The following THSD7A variants were observed in gnomAD, a reference collection of about 807,000 sequenced individuals.
THSD7A encodes the protein thrombospondin type-1 domain-containing protein 7A.
THSD7A carries 96 observed loss-of-function variants against 231.3 expected under a neutral mutation model. The observed-to-expected ratio is 0.41, with a 90% CI of 0.35 to 0.49. The LOEUF is 0.49. Ranked by LOEUF, THSD7A falls within the 20% of genes least tolerant of loss-of-function variation. THSD7A has a pLI of 0.05. For synonymous variants in THSD7A, 940 were observed against 743.3 expected (o/e 1.26, Z -4.30); for missense variants, 2,290 against 2,070.2 (o/e 1.11, Z -2.06).
chr7:11,738,452 A>T (rs1299241534), intron 1 of THSD7A, among the ~76,000 whole-genome samples: 1 of 152,070 alleles, frequency 6.6e-6, no homozygotes, highest in African/African-American at 2.4e-5. Flanking sequence ...AAAAGAATAT[A>T]GGTAAGATAG....
At chr7:11,533,303 G>C (rs1174155635) in intron 6 of THSD7A, among the ~76,000 whole-genome samples, 4 of 152,078 alleles carry the variant, frequency 2.6e-5, no homozygotes, top group Non-Finnish European at 5.9e-5. Context: ...GAAAAGGAAA[G>C]ATATTTTAGG....
chr7:11,790,184 G>C (rs1004913418), intron 1 of THSD7A, among the ~76,000 whole-genome samples: 1 of 151,906 alleles, frequency 6.6e-6, no homozygotes, highest in African/African-American at 2.4e-5. Context: ...ATCAAATTAA[G>C]TAGCTCAGCT....
intron 6 of THSD7A, among the ~76,000 whole-genome samples, chr7:11,510,950 C>G (rs535411917): frequency 6.6e-6 from 1 of 151,750 alleles, no homozygotes; most frequent in East Asian, 1.9e-4. Flanking sequence ...CAGGCAGGAG[C>G]AACAAATAAA....
Position 11,400,173 on chromosome 7 carries a change from A to AG in THSD7A, c.4411+1621dup, listed in dbSNP as rs1268021216. Among the ~76,000 whole-genome samples, 14 of 99,990 alleles carry AG rather than the reference A, an allele frequency of 1.4e-4. No homozygotes were observed. The South Asian group carries it at 6.0e-3, about 43-fold the overall frequency. The allele number at this position is 99,990 out of a possible 152,430, so 65.6% of individuals were successfully genotyped here. A position where few individuals can be genotyped will look rare whatever the true frequency, so the allele number is the denominator to read the frequency against. ...CTGCGGCCTGTTATGGGGTCGGGGG[A>AG]GGGGGGAGGGATAGCATTAGAAGAT... is the stretch of plus-strand genomic sequence containing the variant. On this transcript the variant is annotated intron_variant, in intron 23 of 27. Transcript: ENST00000423059.
At chr7:11,711,574 T>A (rs1169965617) in intron 1 of THSD7A, among the ~76,000 whole-genome samples, 1 of 151,060 alleles carries the variant, frequency 6.6e-6, no homozygotes, top group Non-Finnish European at 1.5e-5. Flanking sequence ...TCAGATAAAA[T>A]TGTTATAGGG....
chr7:11,588,778 A>G (rs1181859345), intron 4 of THSD7A, among the ~76,000 whole-genome samples: 2 of 152,242 alleles, frequency 1.3e-5, no homozygotes, highest in Non-Finnish European at 2.9e-5. Flanking sequence ...AAAGACTGCT[A>G]TAATAAATCT....
chr7:11,666,348 A>C lies in THSD7A; in HGVS notation c.191-29387T>G, dbSNP rs190595781. Among the ~76,000 whole-genome samples the C allele has an allele frequency of 5.1e-4, 78 of 152,210 alleles. 1 individual carries two copies. The highest frequency in any genetic ancestry group is 9.6e-4 in the Non-Finnish European group (65 of 68,008). On this transcript the variant is annotated intron_variant, in intron 1 of 27. Coordinates refer to ENST00000423059, the MANE Select transcript of THSD7A (RefSeq NM_015204.3). Reference sequence around the variant, plus strand: ...GGTAATTTTAAACAACATTTTGAATAATTTTGTGCATAAAATTACATTTGT... The same window carrying C: ...GGTAATTTTAAACAACATTTTGAATCATTTTGTGCATAAAATTACATTTGT...
chr7:11,782,486 G>A (rs1783665267), intron 1 of THSD7A, among the ~76,000 whole-genome samples: 1 of 152,124 alleles, frequency 6.6e-6, no homozygotes, highest in African/African-American at 2.4e-5. Context: ...GAAATGAATT[G>A]CAAATTATTT....
At chr7:11,526,416 G>A (rs974349384) in intron 6 of THSD7A, among the ~76,000 whole-genome samples, 9 of 152,084 alleles carry the variant, frequency 5.9e-5, no homozygotes, top group Admixed American at 3.9e-4. Context: ...TATCCACTGT[G>A]CCCCTTGGCA....
intron 1 of THSD7A, among the ~76,000 whole-genome samples, chr7:11,706,737 T>C (rs1780782455): frequency 7.1e-6 from 1 of 140,966 alleles, no homozygotes; most frequent in African/African-American, 2.6e-5. Flanking sequence ...TAATAGAAAA[T>C]AGAGGAAATG....
chr7:11,752,691 G>A lies in THSD7A; in HGVS notation c.190+79066C>T, dbSNP rs111967214. Among the ~76,000 whole-genome samples, 1,476 of 152,100 alleles carry A rather than the reference G, an allele frequency of 9.7e-3. 19 individuals carry two copies. The highest frequency in any genetic ancestry group is 0.033 in the African/African-American group (1,375 of 41,518). On this transcript the variant is annotated intron_variant, in intron 1 of 27. Coordinates refer to ENST00000423059, the MANE Select transcript of THSD7A (RefSeq NM_015204.3). Reference sequence around the variant, plus strand: ...AACACTTTGTGAGGCCAAGGTGGGAGGACTGCTTGAGCCCACAAATTCAAG... The same window carrying A: ...AACACTTTGTGAGGCCAAGGTGGGAAGACTGCTTGAGCCCACAAATTCAAG...
intron 18 of THSD7A, among the ~76,000 whole-genome samples, chr7:11,412,139 C>T (rs182680922): frequency 3.0e-4 from 46 of 152,138 alleles, no homozygotes; most frequent in African/African-American, 1.1e-3. Flanking sequence ...GGGAAAAATG[C>T]AACTTATAAT....
intron 1 of THSD7A, among the ~76,000 whole-genome samples, chr7:11,754,142 A>C (rs1189408204): frequency 2.0e-5 from 3 of 152,094 alleles, no homozygotes; most frequent in African/African-American, 7.2e-5. Flanking sequence ...TACTAGAAAA[A>C]TATTTTAAAT....
chr7:11,737,658 A>G (rs1437620379), intron 1 of THSD7A, among the ~76,000 whole-genome samples: 2 of 152,020 alleles, frequency 1.3e-5, no homozygotes, highest in African/African-American at 2.4e-5. Flanking sequence ...CATATTTGTC[A>G]TATTCTCCAA....
intron 1 of THSD7A, among the ~76,000 whole-genome samples, chr7:11,708,692 A>G (rs1385688746): frequency 6.6e-6 from 1 of 150,784 alleles, no homozygotes; most frequent in Non-Finnish European, 1.5e-5. Flanking sequence ...CCTTCTCTTA[A>G]TTCAAAAGTT....
chr7:11,649,833 G>T (rs548785358), intron 1 of THSD7A, among the ~76,000 whole-genome samples: 131 of 152,034 alleles, frequency 8.6e-4, no homozygotes, highest in Non-Finnish European at 1.6e-3. Context: ...TCTTATCAGG[G>T]TATCTCTAAT....
intron 14 of THSD7A, among the ~76,000 whole-genome samples, chr7:11,427,706 G>T (rs1026728512): frequency 7.9e-5 from 12 of 152,080 alleles, no homozygotes; most frequent in African/African-American, 2.9e-4. Flanking sequence ...TTCAAAATTT[G>T]TAGAGAAATA....
intron 1 of THSD7A, among the ~76,000 whole-genome samples, chr7:11,779,387 T>A (rs1251947624): frequency 6.6e-6 from 1 of 152,202 alleles, no homozygotes; most frequent in Admixed American, 6.5e-5. Flanking sequence ...TAGGTGCCCT[T>A]TCCCTTATTA....
At chr7:11,653,448 A>ATGTGTGTGTGTG (rs60933989) in intron 1 of THSD7A, among the ~76,000 whole-genome samples, 235 of 127,124 alleles carry the variant, frequency 1.8e-3, no homozygotes, top group Middle Eastern at 8.4e-3. Flanking sequence ...ACTCCCAGAT[A>ATGTGTGTGTGTG]TGTGTGTGTG....
Sources: allele counts gnomAD v4.1 joint callset (sites outside exome capture counted in the v4.1 genomes callset), GRCh38; gene constraint gnomAD v4.1.1; transcripts MANE v1.5; gene names NCBI Gene and HGNC (gene_info 2026-07-23, HGNC 2026-07-21).